ADAMTS9: variants seen among roughly 807,000 people sequenced by gnomAD.
The protein encoded by ADAMTS9 is A disintegrin and metalloproteinase with thrombospondin motifs 9.
Under a neutral mutation model 257.1 loss-of-function variants are expected in ADAMTS9, and 107 were observed. That is an observed-to-expected ratio of 0.42 (90% CI 0.36 to 0.49). The LOEUF (loss-of-function observed/expected upper bound fraction) is 0.49. ADAMTS9 is among the 20% of genes least tolerant of loss of function. The pLI is 0.03. For missense variants in ADAMTS9, 2,353 were observed against 2,469.1 expected (o/e 0.95, Z 1.00); for synonymous variants, 982 against 880.9 (o/e 1.11, Z -2.03).
intron 37 of ADAMTS9, 37 bp from the exon 38 acceptor site, chr3:64,533,307 A>T (rs1313481640): frequency 6.4e-7 from 1 of 1,571,850 alleles, no homozygotes; most frequent in Non-Finnish European, 8.8e-7. Context: ...TTTTCAGTCC[A>T]TGTGATGTCC....
rs141446795 is a variant in ADAMTS9 at position 64,632,626 on chromosome 3, A to G, written c.2176-701T>C. Among the ~76,000 whole-genome samples, 21 of 152,270 alleles carry G rather than the reference A, an allele frequency of 1.4e-4. No homozygotes were observed. In the East Asian group the frequency reaches 3.5e-3, roughly 25 times the overall value. ...AACATACACTGACAATGACCAGAAG[A>G]CCAGAAGAAGAGAGTCCACATTCTT... is the stretch of plus-strand genomic sequence containing the variant. On this transcript the variant is annotated intron_variant, in intron 14 of 39. Transcript: ENST00000498707.
At chr3:64,517,514 C>T (rs2082795241) in intron 39 of ADAMTS9, among the ~76,000 whole-genome samples, 1 of 140,364 alleles carries the variant, frequency 7.1e-6, no homozygotes, top group African/African-American at 2.6e-5. Flanking sequence ...CTGCCTCAGC[C>T]TCCTAAAGTG....
chr3:64,665,588 T>G (rs1252836422), intron 3 of ADAMTS9, among the ~76,000 whole-genome samples: 2 of 152,218 alleles, frequency 1.3e-5, no homozygotes, highest in African/African-American at 4.8e-5. Context: ...AAGGAACCAT[T>G]TAAGGTAGAG....
At chr3:64,594,192 G>A in intron 28 of ADAMTS9, 66 bp downstream of exon 28, 1 of 1,512,068 alleles carries the variant, frequency 6.6e-7, no homozygotes, top group Non-Finnish European at 9.0e-7. Flanking sequence ...CTGCCACAGA[G>A]GAGTGCCCCA....
At position 64,647,926 on chromosome 3, in the gene ADAMTS9, A is replaced by G. The variant is rs761446795; in HGVS notation, c.1710+14T>C. On this transcript the variant is annotated intron_variant, in intron 11 of 39. Transcript: ENST00000498707. ...CTGCCCTAAGACAGAAGGACAGAAC[A>G]GGGCATTACTTGCCTTTCCAGGCTC... 4.3e-6 allele frequency: 7 copies of G among 1,610,474 alleles called. No homozygotes were observed. Among genetic ancestry groups the G allele is most frequent in the Non-Finnish European group, 5.1e-6 (6 of 1,178,324 alleles).
At chr3:64,661,986 T>A (rs1213681182) in intron 3 of ADAMTS9, among the ~76,000 whole-genome samples, 1 of 151,824 alleles carries the variant, frequency 6.6e-6, no homozygotes, top group Non-Finnish European at 1.5e-5. Context: ...TGCTCTTTTC[T>A]TTCCGTTGCC....
At chr3:64,657,398 G>A (rs954879339) in intron 4 of ADAMTS9, among the ~76,000 whole-genome samples, 13 of 152,132 alleles carry the variant, frequency 8.5e-5, no homozygotes, top group African/African-American at 1.9e-4. Context: ...GCACAGTGGC[G>A]CAATCAAGGC....
chr3:64,601,863 T>C, intron 26 of ADAMTS9, 81 bp downstream of exon 26: 8 of 1,481,712 alleles, frequency 5.4e-6, no homozygotes, highest in Non-Finnish European at 5.4e-6. Context: ...AAAAATATGC[T>C]CTAAAGGTGT....
At chr3:64,535,440 G>A (rs981493090) in intron 37 of ADAMTS9, among the ~76,000 whole-genome samples, 3 of 152,020 alleles carry the variant, frequency 2.0e-5, no homozygotes, top group Non-Finnish European at 4.4e-5. Flanking sequence ...GTTCTTATGT[G>A]GCATGGCTGC....
chr3:64,630,752 T>A (rs1022945927), intron 16 of ADAMTS9, among the ~76,000 whole-genome samples: 2 of 152,098 alleles, frequency 1.3e-5, no homozygotes, highest in Non-Finnish European at 2.9e-5. Context: ...AACCCGCACA[T>A]CTTGAACATG....
intron 38 of ADAMTS9, among the ~76,000 whole-genome samples, chr3:64,532,304 AT>A (rs2082992240): frequency 3.3e-5 from 5 of 152,232 alleles, no homozygotes; most frequent in African/African-American, 1.2e-4. Flanking sequence ...GCATTAGCCT[AT>A]AGCAGGGCAA....
At chr3:64,675,257 T>C (rs942652996) in intron 3 of ADAMTS9, among the ~76,000 whole-genome samples, 1 of 152,132 alleles carries the variant, frequency 6.6e-6, no homozygotes, top group Non-Finnish European at 1.5e-5. Flanking sequence ...ATGTAATCCA[T>C]GTAAAGTTGT....
chr3:64,659,349 T>A (rs1701166854), intron 3 of ADAMTS9, among the ~76,000 whole-genome samples: 1 of 151,536 alleles, frequency 6.6e-6, no homozygotes, highest in Non-Finnish European at 1.5e-5. Context: ...ACGTCTGTAA[T>A]CCCAACTACT....
At chr3:64,549,025 C>T (rs1483000823) in intron 31 of ADAMTS9, among the ~76,000 whole-genome samples, 3 of 152,188 alleles carry the variant, frequency 2.0e-5, no homozygotes, top group Non-Finnish European at 4.4e-5. Context: ...GAGAAAAACA[C>T]ACAAAGAAGC....
At position 64,655,781 on chromosome 3, in the gene ADAMTS9, A is replaced by G; in HGVS notation, c.1053+11T>C. On this transcript the variant is annotated intron_variant, in intron 5 of 39. Transcript: ENST00000498707. ...ATACAGATAGAAGAAAAAAGAAAAA[A>G]ACTTTATTACCTGTTCATTATGAAT... The G allele has an allele frequency of 1.3e-6, 2 of 1,569,518 alleles. No homozygotes were observed. The highest frequency in any genetic ancestry group is 1.7e-6 in the Non-Finnish European group (2 of 1,158,634).
At chr3:64,541,774 T>C in intron 33 of ADAMTS9, 64 bp downstream of exon 33, 1 of 1,597,152 alleles carries the variant, frequency 6.3e-7, no homozygotes, top group Middle Eastern at 1.7e-4. Flanking sequence ...GGGCAGGCAA[T>C]CAAATGAACA....
intron 21 of ADAMTS9, chr3:64,615,020 A>G (rs1056437796): frequency 1.1e-4 from 29 of 267,748 alleles, no homozygotes; most frequent in Non-Finnish European, 1.7e-4. Flanking sequence ...CCTTTCAGTG[A>G]CTTAGCTAGG....
In ADAMTS9 at chr3:64,541,823, A is replaced by T; in HGVS notation, c.5197+15T>A. The T allele has an allele frequency of 6.2e-7, 1 of 1,614,008 alleles. No individual in the cohort carries two copies. The highest frequency in any genetic ancestry group is 8.5e-7 in the Non-Finnish European group (1 of 1,179,950). ...CTTCATGCTAAAGAAAGATAACTTC[A>T]GTTGGCCAACTTACAGTTATAGACA... On this transcript the variant is annotated intron_variant, in intron 33 of 39. Transcript: ENST00000498707.
At chr3:64,653,293 C>T (rs768847746) in intron 8 of ADAMTS9, among the ~76,000 whole-genome samples, 8 of 152,176 alleles carry the variant, frequency 5.3e-5, no homozygotes, top group Non-Finnish European at 8.8e-5. Flanking sequence ...AGGATAGAGA[C>T]GATGCTGACT....
Sources: allele counts gnomAD v4.1 joint callset (sites outside exome capture counted in the v4.1 genomes callset), GRCh38; gene constraint gnomAD v4.1.1; transcripts MANE v1.5; gene names NCBI Gene and HGNC (gene_info 2026-07-23, HGNC 2026-07-21).